Variants in NRP1 observed in about 807,000 individuals in gnomAD.
NRP1 encodes neuropilin-1.
NRP1 carries 35 observed loss-of-function variants against 106.7 expected under a neutral mutation model. That is an observed-to-expected ratio of 0.33 (90% CI 0.25 to 0.43). The LOEUF (loss-of-function observed/expected upper bound fraction) is 0.43. NRP1 is among the 20% of genes least tolerant of loss of function. The pLI is 1.00. For missense variants in NRP1, 1,024 were observed against 1,170.4 expected, an observed-to-expected ratio of 0.87 and a Z score of 1.83; for synonymous variants, 437 against 417.9, an observed-to-expected ratio of 1.05 and a Z score of -0.56.
At chr10:33,273,779 C>T (rs1588895757) in intron 2 of NRP1, among the ~76,000 whole-genome samples, 2 of 152,242 alleles carry the variant, frequency 1.3e-5, no homozygotes, top group South Asian at 2.1e-4. Context: ...GAGTTGACCC[C>T]TCTGTCTGTC....
chr10:33,206,712 G>C (rs1284184313), intron 10 of NRP1, among the ~76,000 whole-genome samples: 1 of 152,098 alleles, frequency 6.6e-6, no homozygotes, highest in Non-Finnish European at 1.5e-5. Context: ...GACCTCTATG[G>C]GGATAGAAAA....
At chr10:33,334,231 C>T (rs1332756743) in intron 1 of NRP1, 79 bp downstream of exon 1, 1 of 1,341,812 alleles carries the variant, frequency 7.5e-7, no homozygotes, top group Non-Finnish European at 1.0e-6. Context: ...TCCCGGGAAG[C>T]CCCGCCTGAG....
chr10:33,215,662 CTAAG>C (rs1202216741), intron 8 of NRP1, among the ~76,000 whole-genome samples: 1 of 152,216 alleles, frequency 6.6e-6, no homozygotes, highest in African/African-American at 2.4e-5. Context: ...ATAACTACCC[CTAAG>C]TGAGAGGCAA....
intron 6 of NRP1, among the ~76,000 whole-genome samples, chr10:33,250,410 T>C (rs181417450): frequency 1.3e-5 from 2 of 152,304 alleles, no homozygotes; most frequent in Non-Finnish European, 2.9e-5. Flanking sequence ...TAATTTTACC[T>C]CAAGGTGAAC....
chr10:33,266,850 G>C (rs112275510), intron 3 of NRP1, among the ~76,000 whole-genome samples: 3 of 152,270 alleles, frequency 2.0e-5, no homozygotes, highest in African/African-American at 7.2e-5. Context: ...GGCTAACACG[G>C]TGAAACCCCG....
chr10:33,235,995 C>T, intron 6 of NRP1, among the ~76,000 whole-genome samples: 1 of 152,200 alleles, frequency 6.6e-6, no homozygotes, highest in East Asian at 1.9e-4. Context: ...TCCCCTCCTC[C>T]CCTTCCTGCA....
intron 7 of NRP1, among the ~76,000 whole-genome samples, chr10:33,225,122 C>A (rs1489407881): frequency 6.6e-6 from 1 of 152,168 alleles, no homozygotes; most frequent in African/African-American, 2.4e-5. Context: ...CTTGAACTTG[C>A]CTGCCCATAG....
chr10:33,221,682 A>T (rs1768343991), intron 8 of NRP1, 37 bp downstream of exon 8: 2 of 1,592,236 alleles, frequency 1.3e-6, no homozygotes, highest in Non-Finnish European at 1.7e-6. Context: ...ACAATCTTCG[A>T]CTTGGAAGAT....
At chr10:33,315,953 A>G (rs530440238) in intron 2 of NRP1, among the ~76,000 whole-genome samples, 9 of 152,202 alleles carry the variant, frequency 5.9e-5, no homozygotes, top group Non-Finnish European at 1.3e-4. Context: ...GCTAGAATAG[A>G]TAAGGGAGCC....
At chr10:33,289,999 G>C (rs1844875291) in intron 2 of NRP1, among the ~76,000 whole-genome samples, 1 of 152,148 alleles carries the variant, frequency 6.6e-6, no homozygotes, top group African/African-American at 2.4e-5. Context: ...GAGGAGCATT[G>C]TGCGCCCTGC....
chr10:33,202,401 T>C (rs187477341), intron 11 of NRP1: 6 of 419,036 alleles, frequency 1.4e-5, no homozygotes, highest in Non-Finnish European at 2.1e-5. Context: ...TAAATGTTAA[T>C]GTACAATGAT....
chr10:33,211,995 G>A (rs1211571699), intron 9 of NRP1: 1 of 152,118 alleles, frequency 6.6e-6, no homozygotes, highest in African/African-American at 2.4e-5. Context: ...CAGCTTCTGG[G>A]CCACCCAGCA....
At chr10:33,222,514 T>G (rs535338029) in intron 7 of NRP1, among the ~76,000 whole-genome samples, 14 of 148,362 alleles carry the variant, frequency 9.4e-5, no homozygotes, top group East Asian at 7.9e-4. Context: ...TTTATTTATT[T>G]ATTTATTTAT....
intron 7 of NRP1, among the ~76,000 whole-genome samples, chr10:33,222,080 G>C (rs990077864): frequency 1.3e-5 from 2 of 151,836 alleles, no homozygotes; most frequent in Non-Finnish European, 2.9e-5. Context: ...AATTTTCTGA[G>C]AGGCTAGAGT....
In NRP1 at chr10:33,179,885, CAT is replaced by C. The variant is rs1195919037; in HGVS notation, c.*189_*190del. The C allele has an allele frequency of 1.6e-5, 10 of 630,838 alleles. No individual in the cohort carries two copies. The East Asian group carries it at 2.6e-4, about 16-fold the overall frequency. The allele number at this position is 630,838 out of a possible 1,614,324, so 39.1% of individuals were successfully genotyped here. ...ACCAACAGGAAAAAAGCTGACTGCA[CAT>C]GAGTCCGATGGTGAACACAGCTCCT... On this transcript the variant is annotated 3_prime_UTR_variant, in exon 17 of 17. Coordinates refer to ENST00000374867, the MANE Select transcript of NRP1 (RefSeq NM_003873.7).
In NRP1 at chr10:33,198,143, A is replaced by T. The variant is rs145490828; in HGVS notation, c.1865-434T>A. Among the ~76,000 whole-genome samples the T allele has an allele frequency of 6.4e-4, 43 of 67,134 alleles. 1 individual carries two copies. Among genetic ancestry groups the T allele is most frequent in the East Asian group, 6.0e-3 (4 of 670 alleles). 44.0% of individuals were successfully genotyped at this position (67,134 alleles called of 152,430 possible). On this transcript the variant is annotated intron_variant, in intron 11 of 16. Coordinates refer to ENST00000374867, the MANE Select transcript of NRP1 (RefSeq NM_003873.7). ...CAATTTTCTTTTTTTTAAATTTTTAAATTTTTTTTTTTTTTTGAGATGGAG... is the reference window on the plus strand; with the variant it reads ...CAATTTTCTTTTTTTTAAATTTTTATATTTTTTTTTTTTTTTGAGATGGAG...
chr10:33,270,949 G>T, intron 2 of NRP1, 93 bp from the exon 3 acceptor site: 2 of 1,131,438 alleles, frequency 1.8e-6, no homozygotes, highest in Non-Finnish European at 2.4e-6. Context: ...AGCATAGTGT[G>T]CCAGGAAGAA....
chr10:33,235,383 G>T (rs1006819965), intron 6 of NRP1, among the ~76,000 whole-genome samples: 2 of 152,188 alleles, frequency 1.3e-5, no homozygotes, highest in Admixed American at 6.5e-5. Context: ...CCATTTTCAG[G>T]TGGAGTCACT....
chr10:33,213,095 C>T, intron 9 of NRP1: 1 of 718,628 alleles, frequency 1.4e-6, no homozygotes, highest in Non-Finnish European at 2.3e-6. Context: ...TGGATGGCTG[C>T]TGTCAGCCTT....
Sources: allele counts gnomAD v4.1 joint callset (sites outside exome capture counted in the v4.1 genomes callset), GRCh38; gene constraint gnomAD v4.1.1; transcripts MANE v1.5; gene names NCBI Gene and HGNC (gene_info 2026-07-23, HGNC 2026-07-21).